APP: variants seen among roughly 807,000 people sequenced by gnomAD.
The protein encoded by APP is amyloid beta precursor protein.
A neutral mutation model predicts 101.4 loss-of-function variants in APP; 31 were observed. The ratio of observed to expected loss-of-function variants is 0.31; its 90% CI spans 0.23 to 0.41. The LOEUF (loss-of-function observed/expected upper bound fraction) is 0.41. Ranked by LOEUF, APP falls within the 10% of genes least tolerant of loss-of-function variation. APP has a pLI of 1.00. For synonymous variants in APP, 366 were observed against 364.4 expected (o/e 1.00, Z -0.05); for missense variants, 839 against 1,003.7 (o/e 0.84, Z 2.22).
intron 8 of APP, among the ~76,000 whole-genome samples, chr21:25,989,956 T>C (rs2042794960): frequency 7.4e-6 from 1 of 134,798 alleles, no homozygotes; most frequent in African/African-American, 3.1e-5. Flanking sequence ...ATTTTCCTAA[T>C]TTCAAAAATA....
At chr21:26,011,843 C>T (rs2043820127) in intron 6 of APP, among the ~76,000 whole-genome samples, 1 of 152,100 alleles carries the variant, frequency 6.6e-6, no homozygotes, top group Non-Finnish European at 1.5e-5. Flanking sequence ...CATAAAATTG[C>T]CATCCATATT....
rs371128780 is a variant in APP at position 25,895,994 on chromosome 21, G to C, written c.2064+1579C>G. On this transcript the variant is annotated intron_variant, in intron 16 of 17. Coordinates refer to ENST00000346798, the MANE Select transcript of APP (RefSeq NM_000484.4). ...AGTCACTGTCGCATTATAGGCGTTAGTGTAATTGTGGGGATGGGCTTATAT... is the reference window on the plus strand; with the variant it reads ...AGTCACTGTCGCATTATAGGCGTTACTGTAATTGTGGGGATGGGCTTATAT... 3.3e-5 allele frequency among the ~76,000 whole-genome samples: 5 copies of C among 152,180 alleles called. No individual in the cohort carries two copies. In the East Asian group the frequency reaches 7.7e-4, roughly 23 times the overall value.
intron 13 of APP, among the ~76,000 whole-genome samples, chr21:25,949,271 C>G (rs533715483): frequency 1.5e-3 from 221 of 152,218 alleles, no homozygotes; most frequent in Middle Eastern, 6.8e-3. Context: ...GGTTGGCGGT[C>G]AAACAGGACA....
chr21:25,912,323 G>A (rs1297335518), intron 13 of APP, among the ~76,000 whole-genome samples: 3 of 152,116 alleles, frequency 2.0e-5, no homozygotes, highest in Non-Finnish European at 2.9e-5. Context: ...TACAATGATC[G>A]CACAGGAATA....
Position 26,059,046 on chromosome 21 carries a change from A to G in APP, c.356-5698T>C, listed in dbSNP as rs901725067. Among the ~76,000 whole-genome samples the G allele has an allele frequency of 2.6e-5, 4 of 151,744 alleles. No homozygotes were observed. The East Asian group carries it at 7.8e-4, about 29-fold the overall frequency. Reference sequence around the variant, plus strand: ...CAGTGAGCCGAGATCGCGCCACTGCACTCCAGCCTGGGCGACAGAGCGAGA... The same window carrying G: ...CAGTGAGCCGAGATCGCGCCACTGCGCTCCAGCCTGGGCGACAGAGCGAGA... On this transcript the variant is annotated intron_variant, in intron 3 of 17. Coordinates refer to ENST00000346798, the MANE Select transcript of APP (RefSeq NM_000484.4).
intron 11 of APP, among the ~76,000 whole-genome samples, chr21:25,964,189 T>C (rs1195707384): frequency 6.6e-6 from 1 of 152,198 alleles, no homozygotes; most frequent in Non-Finnish European, 1.5e-5. Flanking sequence ...GTACTGAACA[T>C]GACGCAGGAG....
intron 3 of APP, among the ~76,000 whole-genome samples, chr21:26,082,357 G>T: frequency 6.6e-6 from 1 of 152,066 alleles, no homozygotes; most frequent in Non-Finnish European, 1.5e-5. Context: ...TAGTTTCTTT[G>T]TAAGTGAAAA....
At chr21:25,935,601 C>T (rs113957902) in intron 13 of APP, among the ~76,000 whole-genome samples, 2,159 of 151,878 alleles carry the variant, frequency 0.014, 50 homozygotes, top group African/African-American at 0.05. Context: ...CAACACTTTG[C>T]GAGGCCGAGG....
chr21:26,074,622 G>A lies in APP; in HGVS notation c.355+15321C>T, dbSNP rs572647633. On this transcript the variant is annotated intron_variant, in intron 3 of 17. Transcript: ENST00000346798. Reference sequence around the variant, plus strand: ...AAAAATTAGCCAGGCATGATGGCGTGTGCCTGTAGTCCTAGCTACTTGGGT... The same window carrying A: ...AAAAATTAGCCAGGCATGATGGCGTATGCCTGTAGTCCTAGCTACTTGGGT... 4.6e-4 allele frequency among the ~76,000 whole-genome samples: 70 copies of A among 152,250 alleles called. 1 individual carries two copies. The highest frequency in any genetic ancestry group is 1.2e-3 in the South Asian group (6 of 4,816).
At chr21:26,093,790 T>C (rs1166198362) in intron 2 of APP, among the ~76,000 whole-genome samples, 2 of 152,028 alleles carry the variant, frequency 1.3e-5, no homozygotes, top group East Asian at 1.9e-4. Context: ...ACAATGACAA[T>C]TGTTAATATG....
intron 5 of APP, among the ~76,000 whole-genome samples, chr21:26,034,522 GTCCCAGTTACTTGGGAGGCTGAGGCA>G (rs2045001031): frequency 6.6e-6 from 1 of 151,222 alleles, no homozygotes; most frequent in Non-Finnish European, 1.5e-5. Flanking sequence ...GGCGCCTATA[GTCCCAGTTACTTGGGAGGCTGAGGCA>G]GGAGAATGGC....
At chr21:25,964,559 T>C (rs988712501) in intron 11 of APP, among the ~76,000 whole-genome samples, 4 of 151,842 alleles carry the variant, frequency 2.6e-5, no homozygotes, top group Admixed American at 1.3e-4. Flanking sequence ...AGGTAGAAAA[T>C]AGGAGTGGTT....
At chr21:26,136,173 GA>G (rs370440645) in intron 1 of APP, among the ~76,000 whole-genome samples, 1 of 50,556 alleles carries the variant, frequency 2.0e-5, no homozygotes, top group Non-Finnish European at 5.3e-5. Context: ...AGAAAGAAAA[GA>G]AAGAAAGAAA....
chr21:25,969,195 A>C (rs1275346970), intron 11 of APP, among the ~76,000 whole-genome samples: 1 of 151,248 alleles, frequency 6.6e-6, no homozygotes, highest in African/African-American at 2.4e-5. Flanking sequence ...AAAAAAAAAA[A>C]ACATTAGCCA....
chr21:26,145,098 G>A (rs150102089), intron 1 of APP, among the ~76,000 whole-genome samples: 103 of 152,280 alleles, frequency 6.8e-4, no homozygotes, highest in Middle Eastern at 6.8e-3. Context: ...GATGTTTTAC[G>A]TGGAATGGGA....
At chr21:26,096,647 T>A (rs893179097) in intron 2 of APP, among the ~76,000 whole-genome samples, 3 of 152,040 alleles carry the variant, frequency 2.0e-5, no homozygotes, top group African/African-American at 7.2e-5. Context: ...CATGGTGGCT[T>A]GCGCCTATAG....
intron 3 of APP, among the ~76,000 whole-genome samples, chr21:26,083,204 T>C (rs922823146): frequency 6.6e-6 from 1 of 152,192 alleles, no homozygotes; most frequent in African/African-American, 2.4e-5. Context: ...TATATAAAAA[T>C]CAACTAAACA....
chr21:26,050,924 G>C lies in APP; in HGVS notation c.662+76C>G, dbSNP rs112792615. ...AGACCTTTTCAGTGATAAACAGAAA[G>C]ATTAATTTACAGGATACAAATACTC... is the stretch of plus-strand genomic sequence containing the variant. On this transcript the variant is annotated intron_variant, in intron 5 of 17. Transcript: ENST00000346798. 6.4e-6 allele frequency: 10 copies of C among 1,558,790 alleles called. No homozygotes were observed. In the African/African-American group the frequency reaches 6.8e-5, roughly 11 times the overall value.
At chr21:25,989,728 T>C (rs575683882) in intron 8 of APP, among the ~76,000 whole-genome samples, 4 of 152,308 alleles carry the variant, frequency 2.6e-5, no homozygotes, top group South Asian at 2.1e-4. Context: ...TGCCTTATCA[T>C]TGAAAATGCT....
Sources: allele counts gnomAD v4.1 joint callset (sites outside exome capture counted in the v4.1 genomes callset), GRCh38; gene constraint gnomAD v4.1.1; transcripts MANE v1.5; gene names NCBI Gene and HGNC (gene_info 2026-07-23, HGNC 2026-07-21).